Variants in INTS15 observed in about 807,000 individuals in gnomAD.
INTS15 encodes the protein uncharacterized protein C7orf26.
chr7:6,596,626 G>GGCTCA, the INTS15 span, among the ~76,000 whole-genome samples: 1 of 151,458 alleles, frequency 6.6e-6, no homozygotes, highest in Non-Finnish European at 1.5e-5. Flanking sequence ...TGATCCACCT[G>GGCTCA]GCTCAGTCTC....
chr7:6,607,400 C>G, the INTS15 span: 1 of 501,226 alleles, frequency 2.0e-6, no homozygotes, highest in Non-Finnish European at 3.4e-6. The surrounding 1 kb of genome is among the most constrained non-coding windows in gnomAD (Gnocchi z 6.0). Flanking sequence ...GGGGTGGGTG[C>G]CCAAGAGTGG....
chr7:6,593,716 G>A, the INTS15 span, among the ~76,000 whole-genome samples: 3 of 148,552 alleles, frequency 2.0e-5, no homozygotes, highest in East Asian at 2.0e-4. Flanking sequence ...GTGTGACCAC[G>A]GGGCTCACTG....
the INTS15 span, chr7:6,590,359 A>G: frequency 1.2e-6 from 2 of 1,606,906 alleles, no homozygotes; most frequent in Non-Finnish European, 1.7e-6. Flanking sequence ...CCACCTGGAC[A>G]TCTACTTCAG....
At chr7:6,608,018 C>G in the INTS15 span, 41 of 1,600,328 alleles carry the variant, frequency 2.6e-5, no homozygotes, top group Non-Finnish European at 3.3e-5. Context: ...CGCGCTCCCC[C>G]CGGGGTTCTA....
At chr7:6,605,003 GT>G in the INTS15 span, among the ~76,000 whole-genome samples, 1 of 151,676 alleles carries the variant, frequency 6.6e-6, no homozygotes, top group African/African-American at 2.4e-5. Flanking sequence ...TTTTTGTTTT[GT>G]TTTTTTGAGA....
At chr7:6,597,881 C>T in the INTS15 span, among the ~76,000 whole-genome samples, 15 of 152,136 alleles carry the variant, frequency 9.9e-5, no homozygotes, top group African/African-American at 3.4e-4. Flanking sequence ...TTGGGGAGCC[C>T]GTGTCTTCAA....
the INTS15 span, among the ~76,000 whole-genome samples, chr7:6,596,964 G>C: frequency 6.6e-6 from 1 of 151,982 alleles, no homozygotes; most frequent in Non-Finnish European, 1.5e-5. Flanking sequence ...ATTTTTAGTA[G>C]AGATGGGGTT....
At chr7:6,596,056 T>C in the INTS15 span, among the ~76,000 whole-genome samples, 1 of 151,332 alleles carries the variant, frequency 6.6e-6, no homozygotes, top group Admixed American at 6.6e-5. Flanking sequence ...CCTTCTTTTT[T>C]TTTTTCTTTT....
the INTS15 span, chr7:6,602,150 C>T: frequency 9.6e-5 from 155 of 1,611,360 alleles, no homozygotes; most frequent in East Asian, 2.7e-3. Flanking sequence ...AGTAAGTATC[C>T]TCAGGACTCC....
At chr7:6,590,302 T>A in the INTS15 span, 1 of 1,575,890 alleles carries the variant, frequency 6.3e-7, no homozygotes, top group Non-Finnish European at 8.6e-7. Context: ...CATCCGCCAC[T>A]CGCTGCTGCG....
the INTS15 span, among the ~76,000 whole-genome samples, chr7:6,595,567 G>C: frequency 0.012 from 1,863 of 152,280 alleles, 45 homozygotes; most frequent in African/African-American, 0.042. Flanking sequence ...TTTGCCTGAG[G>C]TGCAATGGTC....
the INTS15 span, chr7:6,607,835 G>A: frequency 7.9e-6 from 12 of 1,514,160 alleles, no homozygotes; most frequent in Admixed American, 4.1e-5. The surrounding 1 kb of genome is among the most constrained non-coding windows in gnomAD (Gnocchi z 6.0). Flanking sequence ...CTGGACCCCC[G>A]GGTGGTCCGT....
chr7:6,596,062 C>CT, the INTS15 span, among the ~76,000 whole-genome samples: 9 of 117,216 alleles, frequency 7.7e-5, no homozygotes, highest in Non-Finnish European at 1.1e-4. Flanking sequence ...TTTTTTTTTT[C>CT]TTTTTTTGAG....
the INTS15 span, chr7:6,602,528 C>G: frequency 2.6e-6 from 1 of 384,620 alleles, no homozygotes; most frequent in South Asian, 2.0e-5. Flanking sequence ...GCTTGGCCAT[C>G]AGGCGGCACG....
At chr7:6,590,393 T>A in the INTS15 span, 2 of 1,607,104 alleles carry the variant, frequency 1.2e-6, no homozygotes, top group Non-Finnish European at 1.7e-6. Context: ...AGCGCGCCGC[T>A]GCCCATCGTG....
chr7:6,592,968 A>G, the INTS15 span, among the ~76,000 whole-genome samples: 1 of 152,144 alleles, frequency 6.6e-6, no homozygotes, highest in Non-Finnish European at 1.5e-5. Context: ...CATTTTCATC[A>G]TGTGGCAGTT....
chr7:6,606,548 C>T, the INTS15 span, among the ~76,000 whole-genome samples: 1 of 152,100 alleles, frequency 6.6e-6, no homozygotes, highest in Non-Finnish European at 1.5e-5. Context: ...GACACAGGAC[C>T]CAGCCGGAGC....
chr7:6,590,527 CTTTT>C, the INTS15 span: 1 of 1,491,416 alleles, frequency 6.7e-7, no homozygotes, highest in Non-Finnish European at 8.9e-7. Context: ...GCGGGCGGGC[CTTTT>C]CCCCAGCGAT....
the INTS15 span, chr7:6,607,388 G>T: frequency 9.2e-5 from 41 of 444,500 alleles, no homozygotes; most frequent in Non-Finnish European, 3.2e-5. This position sits in a 1 kb window ranked among gnomAD's most constrained non-coding sequence, Gnocchi z 6.0. Flanking sequence ...TGGGTGCTGG[G>T]CGGGGTGGGT....
Sources: gnomAD v4.1 joint callset for allele counts (sites outside exome capture counted in the v4.1 genomes callset) on GRCh38, gnomAD v4.1.1 for gene constraint, Gnocchi (gnomAD v3.1) non-coding constraint, MANE v1.5 for transcripts, NCBI Gene and HGNC (gene_info 2026-07-23, HGNC 2026-07-21) for gene names.